The following NSA2 variants were observed in gnomAD, a reference collection of about 807,000 sequenced individuals.
The protein encoded by NSA2 is NSA2 ribosome biogenesis factor, also known as ribosome biogenesis protein NSA2 homolog.
In NSA2, 18 loss-of-function variants were observed where a neutral mutation model predicts 34.8. That is an observed-to-expected ratio of 0.52 (90% CI 0.36 to 0.77). The LOEUF (loss-of-function observed/expected upper bound fraction) is 0.77, where lower values mean the gene tolerates loss of function less well. Ranked by LOEUF, NSA2 falls within the 30% of genes least tolerant of loss-of-function variation. The pLI is 0.00. For missense variants in NSA2, 188 were observed against 314.7 expected (o/e 0.60, Z 3.05); for synonymous variants, 79 against 100.2 (o/e 0.79, Z 1.26).
At chr5:74,773,428 AGT>A (rs1213698558) in intron 4 of NSA2, among the ~76,000 whole-genome samples, 1 of 150,150 alleles carries the variant, frequency 6.7e-6, no homozygotes, top group African/African-American at 2.4e-5. Context: ...AGAGCCCAGG[AGT>A]CCAAGACCAG....
chr5:74,774,309 T>G (rs6883420), intron 5 of NSA2, among the ~76,000 whole-genome samples: 24,817 of 152,192 alleles, frequency 0.16, 2,440 homozygotes, highest in African/African-American at 0.27. Context: ...GATTTATTTT[T>G]ATCCTTTTTA....
chr5:74,777,237 T>C lies in NSA2; in HGVS notation c.*566T>C, dbSNP rs1173805326. On this transcript the variant is annotated 3_prime_UTR_variant, in exon 6 of 6. Coordinates refer to ENST00000610426, the MANE Select transcript of NSA2 (RefSeq NM_014886.6). ...AACATTTTTTTCATCTCATTTACCA[T>C]GTATAATAATACCTACTTGGCACTA... 6.6e-6 allele frequency: 1 copy of C among 152,224 alleles called. No individual in the cohort carries two copies. The highest frequency in any genetic ancestry group is 1.5e-5 in the Non-Finnish European group (1 of 68,028). 9.4% of individuals were successfully genotyped at this position (152,224 alleles called of 1,614,324 possible).
At position 74,777,869 on chromosome 5, in the gene NSA2, T is replaced by A. The variant is rs1745200659; in HGVS notation, c.*1198T>A. On this transcript the variant is annotated 3_prime_UTR_variant, in exon 6 of 6. Transcript: ENST00000610426. The stretch of plus-strand genomic sequence containing the variant: ...AATGTAACATTTTTTCTAAGTTCTA[T>A]AAATATATACTGGAAGTTTTAGAAC... 1 of 152,082 alleles carries A rather than the reference T, an allele frequency of 6.6e-6. No individual in the cohort carries two copies. The highest frequency in any genetic ancestry group is 2.1e-4 in the South Asian group (1 of 4,834). 9.4% of individuals were successfully genotyped at this position (152,082 alleles called of 1,614,324 possible). A position where few individuals can be genotyped will look rare whatever the true frequency, so the allele number is the denominator to read the frequency against.
intron 1 of NSA2, among the ~76,000 whole-genome samples, chr5:74,768,542 C>A (rs1744796237): frequency 6.6e-6 from 1 of 152,146 alleles, no homozygotes; most frequent in Admixed American, 6.5e-5. Flanking sequence ...AAACTTAGAA[C>A]TGTATACCTA....
Position 74,776,599 on chromosome 5 carries a change from C to A in NSA2, c.716-5C>A. 2 of 1,557,814 alleles carry A rather than the reference C, an allele frequency of 1.3e-6. No individual in the cohort carries two copies. The highest frequency in any genetic ancestry group is 1.4e-5 in the African/African-American group (1 of 73,684). On this transcript the variant is annotated splice_polypyrimidine_tract_variant and splice_region_variant and intron_variant, in intron 5 of 5. Coordinates refer to ENST00000610426, the MANE Select transcript of NSA2 (RefSeq NM_014886.6). ...TTTTCCCTTTTTTGGTTTTGTTTTC[C>A]TTAGGAAAATATGCCCAGGTTACCA...
intron 3 of NSA2, among the ~76,000 whole-genome samples, chr5:74,770,106 G>A (rs1744867800): frequency 2.0e-5 from 3 of 152,092 alleles, no homozygotes; most frequent in South Asian, 4.1e-4. Context: ...CAAGGCAGGT[G>A]GATCACCTGA....
intron 5 of NSA2, among the ~76,000 whole-genome samples, chr5:74,775,402 G>T (rs1200435597): frequency 6.6e-6 from 1 of 151,950 alleles, no homozygotes; most frequent in Non-Finnish European, 1.5e-5. Flanking sequence ...GTTCACTTGA[G>T]ACTGGAGTTG....
At chr5:74,769,400 G>T in intron 3 of NSA2, 36 bp downstream of exon 3, 1 of 1,536,168 alleles carries the variant, frequency 6.5e-7, no homozygotes. Context: ...GTTTTGTTTA[G>T]GAGAATTACT....
intron 3 of NSA2, chr5:74,769,649 T>A: frequency 4.1e-6 from 1 of 241,056 alleles, no homozygotes; most frequent in Non-Finnish European, 7.8e-6. Context: ...AAACCCACAG[T>A]GCTATGCAGT....
Position 74,774,038 on chromosome 5 carries a change from A to G in NSA2, c.693A>G (p.Thr231=), listed in dbSNP as rs6874609. The change falls in exon 5 of 6, where the codon ACA becomes ACG. Residue 231 remains threonine (T), a synonymous_variant. Transcript: ENST00000610426. ...ATGTGAGCGAATTGGGCCTTGTGACACAAGGAGGCAAAGTTATTTGGGGTA... is the reference window on the plus strand; with the variant it reads ...ATGTGAGCGAATTGGGCCTTGTGACGCAAGGAGGCAAAGTTATTTGGGGTA... ...EVNVSELGLV[T]QGGKVIWGKY... 403,489 of 1,612,714 alleles carry G rather than the reference A, an allele frequency of 0.25. 59,394 individuals are homozygous for G. The highest frequency in any genetic ancestry group is 0.68 in the African/African-American group (51,195 of 74,860).
chr5:74,768,928 T>C lies in NSA2; in HGVS notation c.4-3T>C. 6.4e-7 allele frequency: 1 copy of C among 1,558,158 alleles called. No homozygotes were observed. The highest frequency in any genetic ancestry group is 8.6e-7 in the Non-Finnish European group (1 of 1,156,720). On this transcript the variant is annotated splice_polypyrimidine_tract_variant and splice_region_variant and intron_variant, in intron 1 of 5. Coordinates refer to ENST00000610426, the MANE Select transcript of NSA2 (RefSeq NM_014886.6). ...TAAAATAATATTTCTTCCATCATTATAGCCACAGAATGAATATATTGAATT... is the reference window on the plus strand; with the variant it reads ...TAAAATAATATTTCTTCCATCATTACAGCCACAGAATGAATATATTGAATT...
At position 74,767,916 on chromosome 5, in the gene NSA2, G is replaced by C. The variant is rs536228181; in HGVS notation, c.3+553G>C. Among the ~76,000 whole-genome samples the C allele has an allele frequency of 2.6e-5, 4 of 152,324 alleles. No individual in the cohort carries two copies. The East Asian group carries it at 7.7e-4, about 29-fold the overall frequency. On this transcript the variant is annotated intron_variant, in intron 1 of 5. Transcript: ENST00000610426. ...ACACCCTTCATGTGATTGCTGCAAA[G>C]TTTATGTGATAGCAGTTGGTAGCAG...
At chr5:74,772,813 T>G (rs1416229643) in intron 4 of NSA2, among the ~76,000 whole-genome samples, 1 of 152,204 alleles carries the variant, frequency 6.6e-6, no homozygotes. Flanking sequence ...CAAGCTTGAT[T>G]AATGAGTCTG....
chr5:74,777,586 GTTTAT>G lies in NSA2; in HGVS notation c.*919_*923del, dbSNP rs1442946345. On this transcript the variant is annotated 3_prime_UTR_variant, in exon 6 of 6. Coordinates refer to ENST00000610426, the MANE Select transcript of NSA2 (RefSeq NM_014886.6). ...TATAATCACCACATTGTTTTAAATT[GTTTAT>G]TTTTTTTTTAAAGAAGTCTGTCTTC... 6.8e-6 allele frequency: 1 copy of G among 146,068 alleles called. No homozygotes were observed. Among genetic ancestry groups the G allele is most frequent in the Non-Finnish European group, 1.5e-5 (1 of 66,626 alleles). The allele number at this position is 146,068 out of a possible 1,614,324, so 9.0% of individuals were successfully genotyped here.
At chr5:74,770,049 G>C (rs961132811) in intron 3 of NSA2, among the ~76,000 whole-genome samples, 7 of 152,016 alleles carry the variant, frequency 4.6e-5, no homozygotes, top group African/African-American at 1.7e-4. Context: ...AGTCACTATC[G>C]GCTGGGCACC....
chr5:74,772,157 C>T (rs929212224), intron 4 of NSA2, among the ~76,000 whole-genome samples: 4 of 150,408 alleles, frequency 2.7e-5, no homozygotes, highest in Non-Finnish European at 5.9e-5. Context: ...CGGAGTCTCC[C>T]TCTGTATCCC....
intron 4 of NSA2, among the ~76,000 whole-genome samples, chr5:74,772,023 G>A (rs1744951950): frequency 6.6e-6 from 1 of 151,882 alleles, no homozygotes; most frequent in South Asian, 2.1e-4. Flanking sequence ...CCTTCAAAGA[G>A]ACTGAACTAT....
chr5:74,767,524 A>C (rs1043963084), intron 1 of NSA2, among the ~76,000 whole-genome samples, 161 bp downstream of exon 1: 1 of 152,158 alleles, frequency 6.6e-6, no homozygotes, highest in African/African-American at 2.4e-5. Context: ...GAGGAGTGGA[A>C]ACAACTTCAC....
rs543826203 is a variant in NSA2, at chr5:74,779,555, CAG to C, written c.*2886_*2887del. Reference sequence around the variant, plus strand: ...AGAGTATTTCCCTTTGTGATATTGACAGAAGTTTCTCATAAAATGTATAAAAC... The same window carrying C: ...AGAGTATTTCCCTTTGTGATATTGACAAGTTTCTCATAAAATGTATAAAAC... On this transcript the variant is annotated 3_prime_UTR_variant, in exon 6 of 6. Coordinates refer to ENST00000610426, the MANE Select transcript of NSA2 (RefSeq NM_014886.6). 3.2e-4 allele frequency: 48 copies of C among 151,266 alleles called. No individual in the cohort carries two copies. The highest frequency in any genetic ancestry group is 1.1e-3 in the African/African-American group (46 of 41,270). 9.4% of individuals were successfully genotyped at this position (151,266 alleles called of 1,614,324 possible).
Sources: gnomAD v4.1 joint callset for allele counts (sites outside exome capture counted in the v4.1 genomes callset) on GRCh38, gnomAD v4.1.1 for gene constraint, MANE v1.5 for transcripts, NCBI Gene and HGNC (gene_info 2026-07-23, HGNC 2026-07-21) for gene names.